The following LAMA3 variants were observed in gnomAD, a reference collection of about 807,000 sequenced individuals.
LAMA3 encodes the protein laminin subunit alpha 3, also known as laminin subunit alpha-3.
A neutral mutation model predicts 402.0 loss-of-function variants in LAMA3; 281 were observed. That is an observed-to-expected ratio of 0.70 (90% CI 0.63 to 0.77). LAMA3 has a LOEUF of 0.77. LAMA3 is among the 30% of genes least tolerant of loss of function. The pLI is 0.00. For missense variants in LAMA3, 3,840 were observed against 4,215.5 expected, an observed-to-expected ratio of 0.91 and a Z score of 2.47; for synonymous variants, 1,431 against 1,558.4, an observed-to-expected ratio of 0.92 and a Z score of 1.93.
In LAMA3 at chr18:23,871,656, T is replaced by C. The variant is rs1283254451; in HGVS notation, c.4993T>C (p.Cys1665Arg). The change falls in exon 38 of 75, where the codon TGT becomes CGT. Residue 1665 changes from cysteine to arginine, a missense_variant. This residue lies in a region of LAMA3 where 2,109 missense variants were observed against 2,376.0 expected (regional missense o/e 0.89). Transcript: ENST00000313654. ...CCCCCCTGCCTACGCTGGTGACTCT[T>C]GTCAGGTAGGAAGTTTTCCCATCCG... ...ACPPAYAGDSCQGCSPGYYRD... is the reference protein window; with the variant it reads ...ACPPAYAGDSRQGCSPGYYRD... 1.2e-6 allele frequency: 2 copies of C among 1,601,318 alleles called. No individual in the cohort carries two copies. Among genetic ancestry groups the C allele is most frequent in the South Asian group, 1.1e-5 (1 of 89,272 alleles).
intron 41 of LAMA3, 150 bp downstream of exon 41, chr18:23,885,003 T>C (rs2065024320): frequency 3.4e-6 from 2 of 585,468 alleles, no homozygotes; most frequent in Non-Finnish European, 3.0e-6. Flanking sequence ...ACAAGACTGC[T>C]CACCTAATAA....
At chr18:23,906,347 T>C (rs2081248450) in intron 52 of LAMA3, among the ~76,000 whole-genome samples, 1 of 152,208 alleles carries the variant, frequency 6.6e-6, no homozygotes. Context: ...TCTTTGCAAC[T>C]AAAAGTCCCC....
At chr18:23,741,498 ACT>A (rs1301591664) in intron 2 of LAMA3, among the ~76,000 whole-genome samples, 3 of 151,948 alleles carry the variant, frequency 2.0e-5, no homozygotes, top group Non-Finnish European at 2.9e-5. Flanking sequence ...AATTAAAAAA[ACT>A]CTATAAAATT....
chr18:23,810,626 A>G, intron 13 of LAMA3, 123 bp downstream of exon 13: 1 of 1,073,204 alleles, frequency 9.3e-7, no homozygotes, highest in Non-Finnish European at 1.4e-6. Context: ...TCCTGCTTTC[A>G]CAGATCTAGT....
intron 2 of LAMA3, among the ~76,000 whole-genome samples, chr18:23,736,232 T>G (rs554481544): frequency 1.3e-5 from 2 of 151,078 alleles, no homozygotes; most frequent in African/African-American, 4.9e-5. Context: ...AAATATGAAG[T>G]GCTTTTTTAA....
chr18:23,775,388 G>C (rs2062292028), intron 9 of LAMA3, among the ~76,000 whole-genome samples: 1 of 152,148 alleles, frequency 6.6e-6, no homozygotes, highest in Non-Finnish European at 1.5e-5. Context: ...TATCATAACT[G>C]TGTATTGATG....
chr18:23,932,398 G>A (rs2082188717), intron 66 of LAMA3, 107 bp downstream of exon 66: 19 of 1,228,660 alleles, frequency 1.5e-5, no homozygotes, highest in Non-Finnish European at 2.3e-5. Context: ...TGTGCTGCAC[G>A]AGACCCGCAT....
intron 68 of LAMA3, among the ~76,000 whole-genome samples, chr18:23,943,014 G>T (rs528269034): frequency 2.6e-5 from 4 of 152,160 alleles, no homozygotes; most frequent in Non-Finnish European, 5.9e-5. Context: ...CCGTGTCTTT[G>T]GTTAAATCTG....
At position 23,740,013 on chromosome 18, in the gene LAMA3, CA is replaced by C. The variant is rs554049996; in HGVS notation, c.448-7924del. On this transcript the variant is annotated intron_variant, in intron 2 of 74. Transcript: ENST00000313654. The stretch of plus-strand genomic sequence containing the variant: ...ATTCTTAGGCTACTCATCAGTTCAG[CA>C]AAAAAGTGTGAATGAGAAAAAGTGA... 2.5e-3 allele frequency among the ~76,000 whole-genome samples: 382 copies of C among 152,072 alleles called. 2 individuals are homozygous for C. Among genetic ancestry groups the C allele is most frequent in the African/African-American group, 8.9e-3 (371 of 41,490 alleles).
intron 23 of LAMA3, among the ~76,000 whole-genome samples, chr18:23,828,324 T>C (rs1446054401): frequency 6.6e-6 from 1 of 152,216 alleles, no homozygotes; most frequent in African/African-American, 2.4e-5. Context: ...TTTAAGTATA[T>C]TTCTTAAGTA....
chr18:23,780,560 G>A (rs1180364995), intron 11 of LAMA3, among the ~76,000 whole-genome samples: 1 of 151,996 alleles, frequency 6.6e-6, no homozygotes, highest in African/African-American at 2.4e-5. Flanking sequence ...TTCAAGGAGA[G>A]GACCTAGAGG....
chr18:23,793,590 G>T (rs368925299), intron 12 of LAMA3, among the ~76,000 whole-genome samples: 32 of 151,754 alleles, frequency 2.1e-4, no homozygotes, highest in East Asian at 1.4e-3. Flanking sequence ...TTAGCATAGG[G>T]CTGGTCCAAG....
intron 62 of LAMA3, among the ~76,000 whole-genome samples, chr18:23,926,076 A>G (rs1321526924): frequency 6.6e-6 from 1 of 152,230 alleles, no homozygotes; most frequent in East Asian, 1.9e-4. Context: ...CAGAGTGTGT[A>G]AAGGAATTAG....
At chr18:23,853,967 C>T (rs1206551534) in intron 32 of LAMA3, among the ~76,000 whole-genome samples, 2 of 152,184 alleles carry the variant, frequency 1.3e-5, no homozygotes. Context: ...ATGCATAACT[C>T]AATTATCTAA....
intron 1 of LAMA3, among the ~76,000 whole-genome samples, chr18:23,694,265 G>A (rs2145809971): frequency 6.6e-6 from 1 of 152,328 alleles, no homozygotes; most frequent in Middle Eastern, 3.4e-3. Flanking sequence ...TTAATTGTGA[G>A]AGGTGGGAAA....
At chr18:23,742,076 C>T (rs111398182) in intron 2 of LAMA3, among the ~76,000 whole-genome samples, 4 of 152,174 alleles carry the variant, frequency 2.6e-5, no homozygotes, top group South Asian at 4.1e-4. Flanking sequence ...GAGCCGAGAT[C>T]GTGCCATGGC....
intron 70 of LAMA3, chr18:23,946,612 A>T: frequency 3.6e-6 from 1 of 276,942 alleles, no homozygotes; most frequent in Non-Finnish European, 6.9e-6. Context: ...TTTTTTGGTT[A>T]ACATAATGTG....
rs747270390 is a variant in LAMA3 at position 23,827,308 on chromosome 18, T to C, written c.2670-6T>C. 4.0e-5 allele frequency: 64 copies of C among 1,614,062 alleles called. No homozygotes were observed. The highest frequency in any genetic ancestry group is 5.4e-5 in the Non-Finnish European group (64 of 1,180,008). On this transcript the variant is annotated splice_polypyrimidine_tract_variant and splice_region_variant and intron_variant, in intron 22 of 74. Coordinates refer to ENST00000313654, the MANE Select transcript of LAMA3 (RefSeq NM_198129.4). The stretch of plus-strand genomic sequence containing the variant: ...ATTGATTCCATTGTTGTTGCTGTTG[T>C]TGAAGTTGCTTACTCTACCAGCATT...
intron 55 of LAMA3, 70 bp downstream of exon 55, chr18:23,909,365 G>GA (rs2081358933): frequency 7.9e-6 from 11 of 1,388,788 alleles, no homozygotes; most frequent in Middle Eastern, 3.6e-4. Context: ...TATCAAGAAA[G>GA]AAAAAAACAC....
Sources: gnomAD v4.1 joint callset for allele counts (sites outside exome capture counted in the v4.1 genomes callset) on GRCh38, gnomAD v4.1.1 for gene constraint, gnomAD v4.1.1 regional missense constraint, MANE v1.5 for transcripts, NCBI Gene and HGNC (gene_info 2026-07-23, HGNC 2026-07-21) for gene names.